The following ZNF558 variants were observed in gnomAD, a reference collection of about 807,000 sequenced individuals.
ZNF558 encodes the protein zinc finger protein 558.
A neutral mutation model predicts 37.6 loss-of-function variants in ZNF558; 23 were observed. The observed-to-expected ratio is 0.61, with a 90% CI of 0.44 to 0.87. The LOEUF (loss-of-function observed/expected upper bound fraction) is 0.87. Among genes scored for constraint, ZNF558 ranks in the 40% least tolerant of loss-of-function variants. The pLI, the probability that ZNF558 is intolerant of heterozygous loss-of-function variation, is 0.00. For synonymous variants in ZNF558, 189 were observed against 174.4 expected (o/e 1.08, Z -0.66); for missense variants, 429 against 483.7 (o/e 0.89, Z 1.06).
At chr19:8,826,241 C>T (rs866699073) in intron 2 of ZNF558, among the ~76,000 whole-genome samples, 14 of 151,966 alleles carry the variant, frequency 9.2e-5, no homozygotes, top group African/African-American at 2.2e-4. Flanking sequence ...CCATGGAGCA[C>T]GGGGCGGCAG....
chr19:8,812,365 C>T (rs1015929108), intron 9 of ZNF558, among the ~76,000 whole-genome samples, 196 bp downstream of exon 9: 30 of 152,136 alleles, frequency 2.0e-4, no homozygotes, highest in African/African-American at 6.3e-4. Context: ...GGGAACTCTC[C>T]GTGAAGAAAT....
At chr19:8,837,934 G>A in the ZNF558 span, among the ~76,000 whole-genome samples, 7 of 152,110 alleles carry the variant, frequency 4.6e-5, no homozygotes, top group Non-Finnish European at 1.0e-4. Context: ...GAGACAGCAA[G>A]GCTGAAATTC....
chr19:8,818,219 C>T (rs906778731), intron 7 of ZNF558, among the ~76,000 whole-genome samples: 2 of 152,016 alleles, frequency 1.3e-5, no homozygotes, highest in African/African-American at 2.4e-5. Flanking sequence ...TTTGGGAGGT[C>T]GAGGTGGGTG....
chr19:8,812,177 G>T, intron 9 of ZNF558, 114 bp from the exon 10 acceptor site: 1 of 1,094,398 alleles, frequency 9.1e-7, no homozygotes, highest in South Asian at 2.1e-5. Flanking sequence ...TTGATATTTT[G>T]GCTACTTTCA....
rs184209077 is a variant in ZNF558 at position 8,822,868 on chromosome 19, G to T, written c.-65-144C>A. The T allele has an allele frequency of 1.4e-6, 1 of 734,930 alleles. No individual in the cohort carries two copies. Among genetic ancestry groups the T allele is most frequent in the Non-Finnish European group, 2.2e-6 (1 of 453,364 alleles). The allele number at this position is 734,930 out of a possible 1,614,324, so 45.5% of individuals were successfully genotyped here. ...ACTGGGCCTTTATTTTGCTGAGCAGGCAATGAATTCAGGGCCACCTGATGG... is the reference window on the plus strand; with the variant it reads ...ACTGGGCCTTTATTTTGCTGAGCAGTCAATGAATTCAGGGCCACCTGATGG... On this transcript the variant is annotated intron_variant, in intron 4 of 9. Transcript: ENST00000601372. This position sits in a 1 kb window ranked among gnomAD's most constrained non-coding sequence, Gnocchi z 4.4.
chr19:8,820,439 A>C (rs1468353309), intron 7 of ZNF558, among the ~76,000 whole-genome samples: 1 of 152,244 alleles, frequency 6.6e-6, no homozygotes, highest in Non-Finnish European at 1.5e-5. Context: ...TCATTCAGTC[A>C]TAAGGAATGA....
rs782662109 is a variant in ZNF558 at position 8,813,223 on chromosome 19, CTATT to C, written c.248-5_248-2del. On this transcript the variant is annotated splice_acceptor_variant and splice_polypyrimidine_tract_variant and intron_variant, in intron 7 of 9. Coordinates refer to ENST00000601372, the MANE Select transcript of ZNF558 (RefSeq NM_144693.3). LOFTEE classifies it high-confidence loss of function. ...AGACTGGGTTTATTAACACGACACC[CTATT>C]TATGGAAACAATACACATGATATAG... The C allele has an allele frequency of 3.4e-4, 535 of 1,582,798 alleles. 1 individual carries two copies. Among genetic ancestry groups the C allele is most frequent in the Admixed American group, 1.2e-3 (67 of 55,144 alleles).
At chr19:8,828,169 A>G (rs771060958) in intron 2 of ZNF558, among the ~76,000 whole-genome samples, 33 of 152,348 alleles carry the variant, frequency 2.2e-4, no homozygotes, top group Non-Finnish European at 4.3e-4. Flanking sequence ...GCTAGCCCCA[A>G]AAGTAAATAT....
At position 8,806,872 on chromosome 19, in the gene ZNF558, GAA is replaced by G. The variant is rs1161716895; in HGVS notation, c.*4407_*4408del. ...TCTTCTTGCTTCCATAGTTTCTTTT[GAA>G]AAGTCATCATTAGTCTTACTGATGC... On this transcript the variant is annotated 3_prime_UTR_variant, in exon 10 of 10. Transcript: ENST00000601372. The G allele has an allele frequency of 6.6e-6, 1 of 151,992 alleles. No homozygotes were observed. Among genetic ancestry groups the G allele is most frequent in the Non-Finnish European group, 1.5e-5 (1 of 68,004 alleles). The allele number at this position is 151,992 out of a possible 1,614,324, so 9.4% of individuals were successfully genotyped here. A position where few individuals can be genotyped will look rare whatever the true frequency, so the allele number is the denominator to read the frequency against.
upstream of ZNF558, among the ~76,000 whole-genome samples, chr19:8,834,099 A>G (rs2044425075): frequency 6.6e-6 from 1 of 152,378 alleles, no homozygotes; most frequent in Non-Finnish European, 1.5e-5. Context: ...TCAGCCAGGA[A>G]GAAATACTTT....
intron 1 of ZNF558, 24 bp downstream of exon 1, chr19:8,832,185 C>T (rs2044377419): frequency 6.6e-6 from 1 of 152,164 alleles, no homozygotes. Context: ...TGGACTCGGA[C>T]CCGAGCCCCC....
chr19:8,828,673 C>T (rs2044284092), intron 2 of ZNF558, among the ~76,000 whole-genome samples: 1 of 152,058 alleles, frequency 6.6e-6, no homozygotes, highest in Non-Finnish European at 1.5e-5. Flanking sequence ...TTCAGAAATC[C>T]TTGCCTAGCC....
rs782289872 is a variant in ZNF558 at position 8,808,627 on chromosome 19, T to C, written c.*2654A>G. The C allele has an allele frequency of 6.6e-5, 10 of 152,198 alleles. No homozygotes were observed. Among genetic ancestry groups the C allele is most frequent in the East Asian group, 1.9e-4 (1 of 5,196 alleles). 9.4% of individuals were successfully genotyped at this position (152,198 alleles called of 1,614,324 possible). A position where few individuals can be genotyped will look rare whatever the true frequency, so the allele number is the denominator to read the frequency against. On this transcript the variant is annotated 3_prime_UTR_variant, in exon 10 of 10. Coordinates refer to ENST00000601372, the MANE Select transcript of ZNF558 (RefSeq NM_144693.3). ...ATATCCAAATATTAGAGAATATACA[T>C]TGTTTTCAAAGAAACAACATGGGTA...
chr19:8,838,034 A>C, the ZNF558 span, among the ~76,000 whole-genome samples: 8 of 151,774 alleles, frequency 5.3e-5, 1 homozygote, highest in Admixed American at 1.3e-4. Flanking sequence ...GGATCATGAC[A>C]TCAAGAGATT....
intron 7 of ZNF558, among the ~76,000 whole-genome samples, chr19:8,818,950 C>T (rs1168515654): frequency 6.6e-6 from 1 of 152,182 alleles, no homozygotes; most frequent in Non-Finnish European, 1.5e-5. Context: ...GGTGGTGAGA[C>T]AACTGGATAT....
intron 2 of ZNF558, among the ~76,000 whole-genome samples, chr19:8,828,139 A>AG (rs2044273466): frequency 6.6e-6 from 1 of 152,226 alleles, no homozygotes; most frequent in South Asian, 2.1e-4. Context: ...AGTTCCTTTA[A>AG]GGGAAATTCC....
At chr19:8,837,159 T>C (rs1233626934), upstream of ZNF558, among the ~76,000 whole-genome samples, 1 of 152,208 alleles carries the variant, frequency 6.6e-6, no homozygotes, top group Non-Finnish European at 1.5e-5. Flanking sequence ...AGTACCAGTT[T>C]CTCAGCAGGT....
At chr19:8,824,599 T>G (rs965904097) in intron 3 of ZNF558, among the ~76,000 whole-genome samples, 182 bp from the exon 4 acceptor site, 4 of 152,196 alleles carry the variant, frequency 2.6e-5, no homozygotes, top group African/African-American at 4.8e-5. Flanking sequence ...CTGCCAGCAC[T>G]GCAACCTGTG....
rs909869747 is a variant in ZNF558 at position 8,813,183 on chromosome 19, T to C, written c.287A>G (p.Glu96Gly). ...CTCTGTCACCACCTTCTTGTCTTGT[T>C]CCAACTGGGATATCAGACTGGGTTT... ...VNKPSLISQL[E>G]QDKKVVTEER... Residue 96 changes from glutamate to glycine, a missense_variant, in exon 8 of 10, where the codon GAA becomes GGA. Coordinates refer to ENST00000601372, the MANE Select transcript of ZNF558 (RefSeq NM_144693.3). 1.4e-5 allele frequency: 22 copies of C among 1,600,120 alleles called. No individual in the cohort carries two copies. The highest frequency in any genetic ancestry group is 1.8e-5 in the Non-Finnish European group (21 of 1,172,738).
Sources: allele counts gnomAD v4.1 joint callset (sites outside exome capture counted in the v4.1 genomes callset), GRCh38; gene constraint gnomAD v4.1.1; non-coding constraint Gnocchi (gnomAD v3.1); transcripts MANE v1.5; gene names NCBI Gene and HGNC (gene_info 2026-07-23, HGNC 2026-07-21).